The following SDK1 variants were observed in gnomAD, a reference collection of about 807,000 sequenced individuals.
SDK1 encodes the protein protein sidekick-1.
A neutral mutation model predicts 245.5 loss-of-function variants in SDK1; 157 were observed. The ratio of observed to expected loss-of-function variants is 0.64; its 90% CI spans 0.56 to 0.73. The LOEUF (loss-of-function observed/expected upper bound fraction) is 0.73, where lower values mean the gene tolerates loss of function less well. Ranked by LOEUF, SDK1 falls within the 30% of genes least tolerant of loss-of-function variation. The probability of loss-of-function intolerance (pLI) is 0.00; values close to 1 mark genes in which losing one functional copy is unlikely to be tolerated. For synonymous variants in SDK1, 1,647 were observed against 1,278.5 expected, an observed-to-expected ratio of 1.29 and a Z score of -6.15; for missense variants, 3,583 against 3,002.3, an observed-to-expected ratio of 1.19 and a Z score of -4.52.
intron 12 of SDK1, among the ~76,000 whole-genome samples, 186 bp from the exon 13 acceptor site, chr7:3,974,183 C>CAAAA (rs10630472): frequency 1.4e-4 from 15 of 104,324 alleles, no homozygotes; most frequent in Admixed American, 3.2e-4. Flanking sequence ...GACTCTGTCT[C>CAAAA]AAAAAAAAAA....
chr7:3,815,597 C>A (rs900341470), intron 4 of SDK1, among the ~76,000 whole-genome samples: 31 of 148,554 alleles, frequency 2.1e-4, no homozygotes, highest in Admixed American at 4.7e-4. Context: ...TGTCTCTGCC[C>A]GGCTTTGGTA....
At chr7:3,528,598 C>T (rs542931261) in intron 1 of SDK1, among the ~76,000 whole-genome samples, 5 of 152,214 alleles carry the variant, frequency 3.3e-5, no homozygotes, top group South Asian at 2.1e-4. Context: ...AGAGAGATCA[C>T]GTAGGAGATT....
intron 1 of SDK1, among the ~76,000 whole-genome samples, chr7:3,582,592 A>G (rs1780539798): frequency 6.7e-6 from 1 of 149,484 alleles, no homozygotes; most frequent in South Asian, 2.1e-4. Context: ...TAGGCTTTGT[A>G]CCTGGGTGAC....
intron 1 of SDK1, among the ~76,000 whole-genome samples, chr7:3,596,616 C>T (rs1781076524): frequency 6.6e-6 from 1 of 152,204 alleles, no homozygotes; most frequent in African/African-American, 2.4e-5. Flanking sequence ...AATTAATCTC[C>T]ATCCCTGTAG....
intron 4 of SDK1, among the ~76,000 whole-genome samples, chr7:3,808,770 C>T (rs759026962): frequency 2.6e-5 from 4 of 152,054 alleles, no homozygotes; most frequent in Non-Finnish European, 5.9e-5. Flanking sequence ...ATGGCACTGG[C>T]GGGCTGTCTG....
At chr7:4,180,441 A>G (rs1013875391) in intron 35 of SDK1, among the ~76,000 whole-genome samples, 1 of 148,742 alleles carries the variant, frequency 6.7e-6, no homozygotes, top group African/African-American at 2.5e-5. Context: ...CTCCAGCTCT[A>G]TGCCCAGCAC....
intron 1 of SDK1, among the ~76,000 whole-genome samples, chr7:3,334,638 G>T (rs866903094): frequency 6.6e-6 from 1 of 152,062 alleles, no homozygotes; most frequent in Non-Finnish European, 1.5e-5. Context: ...ACAATCCAGG[G>T]CACTCTACTT....
intron 5 of SDK1, among the ~76,000 whole-genome samples, chr7:3,936,467 C>A (rs540898990): frequency 6.6e-6 from 1 of 152,054 alleles, no homozygotes; most frequent in East Asian, 1.9e-4. Context: ...TGCCTATAGT[C>A]CCAGCTACTC....
intron 2 of SDK1, among the ~76,000 whole-genome samples, chr7:3,638,262 G>C (rs1008402208): frequency 2.0e-5 from 3 of 152,130 alleles, no homozygotes; most frequent in Non-Finnish European, 4.4e-5. Context: ...AATACCATTT[G>C]ACCCAGCCAT....
intron 1 of SDK1, among the ~76,000 whole-genome samples, chr7:3,377,338 C>G (rs1002393913): frequency 2.0e-5 from 3 of 152,144 alleles, no homozygotes; most frequent in African/African-American, 7.2e-5. Flanking sequence ...TTAATTAATA[C>G]TGCAGCTGCC....
At chr7:3,744,341 T>C (rs1014846421) in intron 4 of SDK1, among the ~76,000 whole-genome samples, 1 of 152,144 alleles carries the variant, frequency 6.6e-6, no homozygotes, top group Non-Finnish European at 1.5e-5. Flanking sequence ...AGCTTCTTTG[T>C]CTGTTCATTG....
chr7:4,171,716 A>G (rs939785560), intron 32 of SDK1, among the ~76,000 whole-genome samples: 1 of 152,212 alleles, frequency 6.6e-6, no homozygotes, highest in Non-Finnish European at 1.5e-5. Flanking sequence ...TCCCTCCCAG[A>G]TAATAGCCCA....
At chr7:3,636,397 A>G (rs1218509859) in intron 2 of SDK1, among the ~76,000 whole-genome samples, 1 of 151,938 alleles carries the variant, frequency 6.6e-6, no homozygotes, top group East Asian at 1.9e-4. Flanking sequence ...AGTGGCCACC[A>G]TTTCACACTC....
chr7:3,386,664 T>C (rs979977691), intron 1 of SDK1, among the ~76,000 whole-genome samples: 5 of 152,226 alleles, frequency 3.3e-5, no homozygotes, highest in Non-Finnish European at 7.3e-5. Context: ...GCTTTCCTAA[T>C]GAAAATCAAG....
At chr7:3,510,640 G>A (rs1041314334) in intron 1 of SDK1, among the ~76,000 whole-genome samples, 1 of 152,134 alleles carries the variant, frequency 6.6e-6, no homozygotes, top group African/African-American at 2.4e-5. Flanking sequence ...CAAGTAATGG[G>A]AGGGAAGAAG....
chr7:3,863,922 C>T (rs1780757705), intron 5 of SDK1, among the ~76,000 whole-genome samples: 1 of 152,096 alleles, frequency 6.6e-6, no homozygotes, highest in African/African-American at 2.4e-5. Flanking sequence ...TTCGAGTCTG[C>T]TTACAGTTTC....
intron 1 of SDK1, among the ~76,000 whole-genome samples, chr7:3,393,514 A>T (rs1394171585): frequency 6.6e-6 from 1 of 152,218 alleles, no homozygotes; most frequent in African/African-American, 2.4e-5. Context: ...ATTGCAGCAC[A>T]GTCAAGTGAA....
At chr7:3,519,161 G>C (rs534724839) in intron 1 of SDK1, among the ~76,000 whole-genome samples, 9 of 152,196 alleles carry the variant, frequency 5.9e-5, no homozygotes, top group Admixed American at 2.0e-4. Flanking sequence ...GGGGGATAGG[G>C]AGAGAGTTGT....
chr7:3,357,817 T>A (rs1780846673), intron 1 of SDK1, among the ~76,000 whole-genome samples: 1 of 152,198 alleles, frequency 6.6e-6, no homozygotes, highest in Non-Finnish European at 1.5e-5. Flanking sequence ...GAACTTTCTT[T>A]GCTATTGGAT....
Sources: gnomAD v4.1 joint callset for allele counts (sites outside exome capture counted in the v4.1 genomes callset) on GRCh38, gnomAD v4.1.1 for gene constraint, MANE v1.5 for transcripts, NCBI Gene and HGNC (gene_info 2026-07-23, HGNC 2026-07-21) for gene names.